CTXND1: variants seen among roughly 807,000 people sequenced by gnomAD.
CTXND1 encodes cortexin domain-containing 1 protein.
At chr15:80,236,882 G>A (rs957052560) in intron 1 of CTXND1, among the ~76,000 whole-genome samples, 28 of 152,034 alleles carry the variant, frequency 1.8e-4, no homozygotes, top group African/African-American at 4.6e-4. Flanking sequence ...TATTACTCAC[G>A]TGTTTGTGGC....
intron 1 of CTXND1, among the ~76,000 whole-genome samples, chr15:80,233,101 C>G (rs934624369): frequency 6.6e-6 from 1 of 152,198 alleles, no homozygotes; most frequent in African/African-American, 2.4e-5. Context: ...ACCACCACGC[C>G]TGGCTAATTT....
intron 1 of CTXND1, among the ~76,000 whole-genome samples, chr15:80,231,552 T>C (rs893261702): frequency 6.6e-6 from 1 of 152,134 alleles, no homozygotes; most frequent in African/African-American, 2.4e-5. Flanking sequence ...AAATAAAGAA[T>C]GAAATAAGGG....
At chr15:80,211,635 T>C (rs1363466177) in intron 1 of CTXND1, among the ~76,000 whole-genome samples, 1 of 152,122 alleles carries the variant, frequency 6.6e-6, no homozygotes, top group Admixed American at 6.5e-5. Flanking sequence ...GAATACTGTG[T>C]TTAAGACTTG....
intron 1 of CTXND1, among the ~76,000 whole-genome samples, chr15:80,222,687 T>G (rs1175052250): frequency 6.6e-6 from 1 of 152,204 alleles, no homozygotes; most frequent in Non-Finnish European, 1.5e-5. Context: ...CCAAGTTTCT[T>G]GTTTTTCTTA....
intron 1 of CTXND1, among the ~76,000 whole-genome samples, chr15:80,244,049 C>T (rs1202218370): frequency 6.6e-6 from 1 of 152,228 alleles, no homozygotes; most frequent in Non-Finnish European, 1.5e-5. Context: ...CCATCTCCTG[C>T]ATCTCTGCAT....
At chr15:80,211,942 T>G (rs1893208291) in intron 1 of CTXND1, among the ~76,000 whole-genome samples, 1 of 152,204 alleles carries the variant, frequency 6.6e-6, no homozygotes, top group South Asian at 2.1e-4. Context: ...AGGTCACACT[T>G]ACAACTCCGT....
intron 1 of CTXND1, among the ~76,000 whole-genome samples, chr15:80,222,034 T>C (rs1488187375): frequency 2.0e-5 from 3 of 152,192 alleles, no homozygotes; most frequent in African/African-American, 7.2e-5. Flanking sequence ...TTGAAATGAT[T>C]CCATGGACAT....
intron 1 of CTXND1, among the ~76,000 whole-genome samples, chr15:80,233,133 GT>G (rs1049475189): frequency 1.1e-4 from 16 of 151,944 alleles, no homozygotes; most frequent in African/African-American, 3.9e-4. Flanking sequence ...GTAGAGACGG[GT>G]TTCACCCTCT....
chr15:80,221,128 T>C (rs28801098), intron 1 of CTXND1, among the ~76,000 whole-genome samples: 39,281 of 151,774 alleles, frequency 0.26, 5,406 homozygotes, highest in Middle Eastern at 0.32. Context: ...CCAGGATGGT[T>C]TCGATTTGCT....
At chr15:80,240,132 A>G (rs531609061) in intron 1 of CTXND1, among the ~76,000 whole-genome samples, 1 of 152,140 alleles carries the variant, frequency 6.6e-6, no homozygotes, top group African/African-American at 2.4e-5. Flanking sequence ...CGCTCGGCTA[A>G]TTTTGTATTT....
chr15:80,221,155 C>A lies in CTXND1; in HGVS notation c.-217-17415G>T, dbSNP rs578235075. ...CGATTTGCTGACCTCGTGATCCGCC[C>A]GCCTCGGCCTCCCAAAGTGCTGGGA... On this transcript the variant is annotated intron_variant, in intron 1 of 2. Coordinates refer to ENST00000560778, the MANE Select transcript of CTXND1 (RefSeq NM_001352888.2). Among the ~76,000 whole-genome samples, 4 of 152,024 alleles carry A rather than the reference C, an allele frequency of 2.6e-5. No individual in the cohort carries two copies. The East Asian group carries it at 7.8e-4, about 30-fold the overall frequency.
At chr15:80,221,097 G>A (rs983338591) in intron 1 of CTXND1, among the ~76,000 whole-genome samples, 1 of 151,958 alleles carries the variant, frequency 6.6e-6, no homozygotes, top group Admixed American at 6.5e-5. Context: ...TTTTAGTAGA[G>A]ACGGGGTTTC....
intron 1 of CTXND1, among the ~76,000 whole-genome samples, chr15:80,244,604 G>T (rs549147606): frequency 1.3e-5 from 2 of 152,338 alleles, no homozygotes; most frequent in East Asian, 3.9e-4. Flanking sequence ...GAACCCGTCA[G>T]CAAGGACTTG....
At chr15:80,247,050 C>A (rs1265965363) in intron 1 of CTXND1, among the ~76,000 whole-genome samples, 1 of 152,170 alleles carries the variant, frequency 6.6e-6, no homozygotes, top group Non-Finnish European at 1.5e-5. Flanking sequence ...CCATTTTACC[C>A]ATGAGAAAAT....
chr15:80,225,986 G>T (rs1382561575), intron 1 of CTXND1, among the ~76,000 whole-genome samples: 7 of 152,286 alleles, frequency 4.6e-5, no homozygotes, highest in African/African-American at 1.7e-4. Context: ...GAGCTTAAGG[G>T]TCCATGGGCA....
At chr15:80,243,021 C>T (rs1163382615) in intron 1 of CTXND1, among the ~76,000 whole-genome samples, 7 of 152,190 alleles carry the variant, frequency 4.6e-5, no homozygotes, top group Non-Finnish European at 8.8e-5. Flanking sequence ...TGATCTGTGA[C>T]CACATGAGCT....
At chr15:80,224,828 C>T (rs1403876732) in intron 1 of CTXND1, among the ~76,000 whole-genome samples, 1 of 152,236 alleles carries the variant, frequency 6.6e-6, no homozygotes, top group African/African-American at 2.4e-5. Flanking sequence ...ACTGCAACCT[C>T]TGCCTCCTGG....
At chr15:80,206,492 G>C (rs562339240) in intron 1 of CTXND1, among the ~76,000 whole-genome samples, 1 of 152,158 alleles carries the variant, frequency 6.6e-6, no homozygotes, top group Admixed American at 6.5e-5. Flanking sequence ...TGAAAGCAGA[G>C]AGTTGAAGTA....
chr15:80,231,023 A>G (rs1336052691), intron 1 of CTXND1, among the ~76,000 whole-genome samples: 1 of 151,588 alleles, frequency 6.6e-6, no homozygotes, highest in Non-Finnish European at 1.5e-5. Flanking sequence ...GTGCCACTGC[A>G]CTCCAGCCTG....
Sources: allele counts gnomAD v4.1 joint callset (sites outside exome capture counted in the v4.1 genomes callset), GRCh38; gene constraint gnomAD v4.1.1; transcripts MANE v1.5; gene names NCBI Gene and HGNC (gene_info 2026-07-23, HGNC 2026-07-21).